NCKAP5: variants seen among roughly 807,000 people sequenced by gnomAD.
NCKAP5 encodes nck-associated protein 5.
A neutral mutation model predicts 167.0 loss-of-function variants in NCKAP5; 92 were observed. The observed-to-expected ratio is 0.55, with a 90% CI of 0.47 to 0.66. The LOEUF is 0.66. Among genes scored for constraint, NCKAP5 ranks in the 30% least tolerant of loss-of-function variants. NCKAP5 has a pLI of 0.00. For synonymous variants in NCKAP5, 891 were observed against 877.4 expected (o/e 1.02, Z -0.27); for missense variants, 2,378 against 2,315.0 (o/e 1.03, Z -0.56).
At chr2:133,621,353 T>C in the NCKAP5 span, among the ~76,000 whole-genome samples, 1 of 151,962 alleles carries the variant, frequency 6.6e-6, no homozygotes, top group East Asian at 1.9e-4. Flanking sequence ...TTTGAAAAGA[T>C]AAATAAAATT....
At chr2:133,064,503 A>G (rs1158282568) in intron 6 of NCKAP5, among the ~76,000 whole-genome samples, 2 of 152,178 alleles carry the variant, frequency 1.3e-5, no homozygotes, top group Non-Finnish European at 2.9e-5. Context: ...GAAAAAAAAA[A>G]CAGATTAAGA....
chr2:133,071,343 G>T (rs924943491), intron 6 of NCKAP5, among the ~76,000 whole-genome samples: 8 of 151,978 alleles, frequency 5.3e-5, no homozygotes, highest in African/African-American at 9.7e-5. Context: ...TACTTGGGAG[G>T]CTGAGGCAGG....
At chr2:133,047,759 TCA>T (rs980082671) in intron 6 of NCKAP5, among the ~76,000 whole-genome samples, 1 of 152,156 alleles carries the variant, frequency 6.6e-6, no homozygotes, top group African/African-American at 2.4e-5. Flanking sequence ...GAGTCAACAT[TCA>T]CAGTTATTCA....
intron 4 of NCKAP5, among the ~76,000 whole-genome samples, chr2:133,218,011 C>G (rs188239572): frequency 6.6e-6 from 1 of 152,192 alleles, no homozygotes; most frequent in Admixed American, 6.5e-5. Flanking sequence ...GACTGTAGAA[C>G]AGTAGGTCCC....
At chr2:133,354,838 A>G (rs1431182875) in intron 3 of NCKAP5, among the ~76,000 whole-genome samples, 1 of 152,186 alleles carries the variant, frequency 6.6e-6, no homozygotes, top group African/African-American at 2.4e-5. Flanking sequence ...GACACACAAA[A>G]AGACATTCTA....
At chr2:132,819,438 C>T (rs1218974118) in intron 11 of NCKAP5, among the ~76,000 whole-genome samples, 1 of 152,168 alleles carries the variant, frequency 6.6e-6, no homozygotes, top group African/African-American at 2.4e-5. Flanking sequence ...TCAAGAGAAA[C>T]TATTTTCAAA....
chr2:133,493,840 A>T (rs1681688009), intron 3 of NCKAP5, among the ~76,000 whole-genome samples: 1 of 152,216 alleles, frequency 6.6e-6, no homozygotes, highest in Admixed American at 6.5e-5. Context: ...TGTGACAAAG[A>T]TCAGGCAGAA....
chr2:133,563,372 C>T (rs1688306127), intron 1 of NCKAP5, among the ~76,000 whole-genome samples: 1 of 151,956 alleles, frequency 6.6e-6, no homozygotes, highest in Admixed American at 6.5e-5. Flanking sequence ...CTATTGAGAC[C>T]ATCCTGGCCA....
At chr2:132,948,140 T>TA (rs1255370292) in intron 8 of NCKAP5, among the ~76,000 whole-genome samples, 6 of 152,186 alleles carry the variant, frequency 3.9e-5, no homozygotes, top group African/African-American at 2.4e-5. Flanking sequence ...CAGTTTTTTT[T>TA]ATCTAGCCAA....
chr2:132,746,458 C>G (rs1354230929), intron 16 of NCKAP5, among the ~76,000 whole-genome samples: 2 of 152,048 alleles, frequency 1.3e-5, no homozygotes, highest in African/African-American at 2.4e-5. Context: ...CGGAGTATCT[C>G]TGTGGCCTTG....
intron 3 of NCKAP5, among the ~76,000 whole-genome samples, chr2:133,387,725 G>C (rs1052602913): frequency 6.6e-6 from 1 of 152,066 alleles, no homozygotes; most frequent in Non-Finnish European, 1.5e-5. Context: ...CATATTTCTT[G>C]GAGGCTTTGT....
chr2:133,023,738 TG>T (rs2078606884), intron 6 of NCKAP5, among the ~76,000 whole-genome samples: 1 of 152,224 alleles, frequency 6.6e-6, no homozygotes, highest in Non-Finnish European at 1.5e-5. Flanking sequence ...CTTAGGATAA[TG>T]ACCTCCAGCT....
At chr2:133,128,918 T>C (rs2082494488) in intron 6 of NCKAP5, among the ~76,000 whole-genome samples, 1 of 151,132 alleles carries the variant, frequency 6.6e-6, no homozygotes, top group South Asian at 2.1e-4. Flanking sequence ...GTTCTAGTGA[T>C]ATCTTTTTAA....
intron 6 of NCKAP5, among the ~76,000 whole-genome samples, chr2:133,127,284 T>C (rs1395024391): frequency 6.6e-6 from 1 of 152,170 alleles, no homozygotes; most frequent in African/African-American, 2.4e-5. Context: ...CCATCAGAAA[T>C]GGTTCAGTAG....
the NCKAP5 span, among the ~76,000 whole-genome samples, chr2:133,613,807 C>T: frequency 6.6e-6 from 1 of 152,214 alleles, no homozygotes; most frequent in Non-Finnish European, 1.5e-5. Context: ...CAATGTTGGA[C>T]AGCGTGTGAT....
chr2:133,216,767 T>C (rs1238676338), intron 4 of NCKAP5, among the ~76,000 whole-genome samples: 1 of 152,016 alleles, frequency 6.6e-6, no homozygotes, highest in Non-Finnish European at 1.5e-5. Context: ...AGGCATATAA[T>C]TCAGATACAA....
At chr2:132,876,275 T>A (rs1367135834) in intron 9 of NCKAP5, among the ~76,000 whole-genome samples, 1 of 152,124 alleles carries the variant, frequency 6.6e-6, no homozygotes, top group African/African-American at 2.4e-5. Context: ...ATTTTTTTTA[T>A]TTTGTAGAGA....
chr2:132,808,695 T>C (rs976214102), intron 11 of NCKAP5, among the ~76,000 whole-genome samples: 1 of 152,144 alleles, frequency 6.6e-6, no homozygotes. Context: ...ATTTTATTTA[T>C]CTTTTCAATG....
At chr2:133,466,538 T>A (rs987651534) in intron 3 of NCKAP5, among the ~76,000 whole-genome samples, 5 of 151,672 alleles carry the variant, frequency 3.3e-5, no homozygotes, top group African/African-American at 1.2e-4. Flanking sequence ...TTTTTCCAAT[T>A]CTGTGAAGAA....
Sources: gnomAD v4.1 joint callset for allele counts (sites outside exome capture counted in the v4.1 genomes callset) on GRCh38, gnomAD v4.1.1 for gene constraint, MANE v1.5 for transcripts, NCBI Gene and HGNC (gene_info 2026-07-23, HGNC 2026-07-21) for gene names.